Variants in MAP3K14 observed in about 807,000 individuals in gnomAD.
The protein encoded by MAP3K14 is mitogen-activated protein kinase kinase kinase 14.
MAP3K14 carries 16 observed loss-of-function variants against 99.2 expected under a neutral mutation model. The ratio of observed to expected loss-of-function variants is 0.16; its 90% confidence interval spans 0.11 to 0.24. The LOEUF is 0.24. Ranked by LOEUF, MAP3K14 falls within the 10% of genes least tolerant of loss-of-function variation. The pLI, the probability that MAP3K14 is intolerant of heterozygous loss-of-function variation, is 1.00. For missense variants in MAP3K14, 784 were observed against 1,208.7 expected, an observed-to-expected ratio of 0.65 and a Z score of 5.21; for synonymous variants, 462 against 492.4, an observed-to-expected ratio of 0.94 and a Z score of 0.82.
intron 8 of MAP3K14, chr17:45,273,911 G>A (rs1055770780): frequency 1.9e-5 from 13 of 681,910 alleles, no homozygotes; most frequent in South Asian, 1.9e-4. Flanking sequence ...CTTGACCTTC[G>A]GTTCTCTGTG....
intron 3 of MAP3K14, among the ~76,000 whole-genome samples, chr17:45,288,974 A>C (rs2044289679): frequency 6.6e-6 from 1 of 152,192 alleles, no homozygotes; most frequent in East Asian, 1.9e-4. Flanking sequence ...GGGTGCATTA[A>C]GGACTCTGAG....
intron 1 of MAP3K14, among the ~76,000 whole-genome samples, chr17:45,308,897 C>T (rs928611393): frequency 2.0e-5 from 3 of 152,088 alleles, no homozygotes; most frequent in Admixed American, 1.3e-4. Context: ...GACCTCCTGG[C>T]CTCAAGTGGT....
chr17:45,294,807 C>T (rs913924513), intron 1 of MAP3K14, among the ~76,000 whole-genome samples: 8 of 152,256 alleles, frequency 5.3e-5, no homozygotes, highest in African/African-American at 1.9e-4. Flanking sequence ...CTCAAGGCGA[C>T]ACTGTCCAAA....
rs770879291 is a variant in MAP3K14, at chr17:45,287,256, T to C, written c.435A>G (p.Lys145=). ...KGKRRSKARK[K]RKKKSSKSLA... ...GGGACTTTGAGCTCTTCTTCTTCCG[T>C]TTCTTCCGGGCTTTGCTGCGACGCT... Residue 145 remains lysine (K), a synonymous_variant, in exon 4 of 16, where the codon AAA becomes AAG. Transcript: ENST00000344686. The C allele has an allele frequency of 1.2e-6, 2 of 1,614,028 alleles. No individual in the cohort carries two copies. Among genetic ancestry groups the C allele is most frequent in the East Asian group, 4.5e-5 (2 of 44,880 alleles).
At chr17:45,273,221 G>A (rs1006720473) in intron 9 of MAP3K14, among the ~76,000 whole-genome samples, 4 of 152,190 alleles carry the variant, frequency 2.6e-5, no homozygotes, top group African/African-American at 9.6e-5. Context: ...CAAGAGGTAG[G>A]AGCCACGGGG....
intron 1 of MAP3K14, among the ~76,000 whole-genome samples, chr17:45,292,673 AC>A (rs1434232560): frequency 6.6e-6 from 1 of 151,940 alleles, no homozygotes; most frequent in Non-Finnish European, 1.5e-5. Flanking sequence ...ACACCTCCCC[AC>A]CCCACTCTAC....
Position 45,290,591 on chromosome 17 carries a change from C to T in MAP3K14, c.155G>A (p.Cys52Tyr), listed in dbSNP as rs200601398. 3.3e-4 allele frequency: 525 copies of T among 1,613,708 alleles called. 1 individual carries two copies. The highest frequency in any genetic ancestry group is 4.1e-4 in the Non-Finnish European group (486 of 1,179,888). ...LEAVEKSPVF[C>Y]GKWEILNDVI... ...GTCATTCAGGATCTCCCACTTTCCG[C>T]AGAACACAGGGCTCTTCTCCACGGC... The change falls in exon 2 of 16, where the codon TGC becomes TAC. Residue 52 changes from cysteine (C) to tyrosine (Y), a missense_variant. By Grantham distance (194) the Cys-to-Tyr change is radical (BLOSUM62 -2). Coordinates refer to ENST00000344686, the MANE Select transcript of MAP3K14 (RefSeq NM_003954.5).
chr17:45,298,222 T>A (rs143655751), intron 1 of MAP3K14, among the ~76,000 whole-genome samples: 1 of 152,028 alleles, frequency 6.6e-6, no homozygotes, highest in Non-Finnish European at 1.5e-5. Context: ...AGAAATACAA[T>A]TCAGACCAGA....
intron 6 of MAP3K14, among the ~76,000 whole-genome samples, chr17:45,282,942 C>T (rs890190908): frequency 3.3e-5 from 5 of 152,210 alleles, no homozygotes; most frequent in African/African-American, 1.2e-4. Context: ...CTGCATTCTC[C>T]GGGGTGGGAA....
At chr17:45,303,639 C>G (rs924162565) in intron 1 of MAP3K14, among the ~76,000 whole-genome samples, 2 of 152,112 alleles carry the variant, frequency 1.3e-5, no homozygotes, top group African/African-American at 4.8e-5. Context: ...GAAAAAAAAT[C>G]CCGGCACCGT....
At chr17:45,268,901 C>CA (rs1555636004) in intron 11 of MAP3K14, among the ~76,000 whole-genome samples, 1 of 152,152 alleles carries the variant, frequency 6.6e-6, no homozygotes, top group Non-Finnish European at 1.5e-5. Flanking sequence ...GGTGCCCCCC[C>CA]AGAGTGGGTA....
At chr17:45,270,283 G>A (rs1416752249) in intron 11 of MAP3K14, 130 bp downstream of exon 11, 7 of 1,158,150 alleles carry the variant, frequency 6.0e-6, no homozygotes, top group Non-Finnish European at 7.0e-6. Flanking sequence ...TGAGGCTGCT[G>A]CACCCCCATA....
Position 45,274,117 on chromosome 17 carries a change from C to A in MAP3K14, c.1552+6G>T. On this transcript the variant is annotated splice_donor_region_variant and intron_variant, in intron 8 of 15. Coordinates refer to ENST00000344686, the MANE Select transcript of MAP3K14 (RefSeq NM_003954.5). ...GGGGATCAGGGCCGTGGGGCCTGGG[C>A]CTTACCTTTGACGTCCCCATGCAGA... The A allele has an allele frequency of 6.2e-7, 1 of 1,609,704 alleles. No homozygotes were observed. The highest frequency in any genetic ancestry group is 8.5e-7 in the Non-Finnish European group (1 of 1,177,876).
At position 45,274,229 on chromosome 17, in the gene MAP3K14, C is replaced by T; in HGVS notation, c.1446G>A (p.Lys482=). The change falls in exon 8 of 16, where the codon AAG becomes AAA. Residue 482 remains lysine (K), a synonymous_variant. Coordinates refer to ENST00000344686, the MANE Select transcript of MAP3K14 (RefSeq NM_003954.5). Reference sequence around the variant, plus strand: ...GGTCCTCTGGGAGACAGCCCTGCTCCTTGACCAGCTGGCCCAGGGAGCCAC... The same window carrying T: ...GGTCCTCTGGGAGACAGCCCTGCTCTTTGACCAGCTGGCCCAGGGAGCCAC... ...LEGGSLGQLV[K]EQGCLPEDRA... The T allele has an allele frequency of 6.3e-7, 1 of 1,599,442 alleles. No homozygotes were observed. Among genetic ancestry groups the T allele is most frequent in the African/African-American group, 1.3e-5 (1 of 74,778 alleles).
At chr17:45,297,296 C>G (rs545038741) in intron 1 of MAP3K14, among the ~76,000 whole-genome samples, 3 of 152,310 alleles carry the variant, frequency 2.0e-5, no homozygotes, top group African/African-American at 7.2e-5. Flanking sequence ...ATTACTACCC[C>G]TAGCATCTGC....
At chr17:45,265,428 C>T (rs1292886513) in intron 14 of MAP3K14, among the ~76,000 whole-genome samples, 165 bp from the exon 15 acceptor site, 2 of 152,184 alleles carry the variant, frequency 1.3e-5, no homozygotes, top group African/African-American at 4.8e-5. Flanking sequence ...TTAGGCTGGT[C>T]TAAGCACAGC....
At chr17:45,290,025 C>G (rs144102251) in intron 2 of MAP3K14, among the ~76,000 whole-genome samples, 1 of 152,332 alleles carries the variant, frequency 6.6e-6, no homozygotes, top group African/African-American at 2.4e-5. Context: ...AGCAGCCTGC[C>G]GCCCCAGGAC....
chr17:45,289,721 G>A (rs902144014), intron 2 of MAP3K14, among the ~76,000 whole-genome samples: 18 of 152,178 alleles, frequency 1.2e-4, no homozygotes, highest in African/African-American at 4.1e-4. Flanking sequence ...CAATTATTAT[G>A]TCACTCTCTG....
At chr17:45,311,524 GA>G (rs2044479163) in intron 1 of MAP3K14, among the ~76,000 whole-genome samples, 1 of 152,218 alleles carries the variant, frequency 6.6e-6, no homozygotes, top group African/African-American at 2.4e-5. Flanking sequence ...GGCTTTAGCA[GA>G]AAGAGCGTCA....
Sources: allele counts gnomAD v4.1 joint callset (sites outside exome capture counted in the v4.1 genomes callset), GRCh38; gene constraint gnomAD v4.1.1; transcripts MANE v1.5; gene names NCBI Gene and HGNC (gene_info 2026-07-23, HGNC 2026-07-21).